KIRREL3: variants seen among roughly 807,000 people sequenced by gnomAD.
The protein encoded by KIRREL3 is kirre like nephrin family adhesion molecule 3.
A neutral mutation model predicts 89.7 loss-of-function variants in KIRREL3; 36 were observed. That is an observed-to-expected ratio of 0.40 (90% CI 0.31 to 0.53). KIRREL3 has a LOEUF of 0.53. Among genes scored for constraint, KIRREL3 ranks in the 20% least tolerant of loss-of-function variants. The pLI is 0.49. For missense variants in KIRREL3, 864 were observed against 1,056.6 expected (o/e 0.82, Z 2.53); for synonymous variants, 445 against 441.4 (o/e 1.01, Z -0.10).
rs1946786819 is a variant in KIRREL3 at position 126,689,220 on chromosome 11, A to G, written c.56-126308T>C. Among the ~76,000 whole-genome samples the G allele has an allele frequency of 6.6e-6, 1 of 152,192 alleles. No homozygotes were observed. The highest frequency in any genetic ancestry group is 1.5e-5 in the Non-Finnish European group (1 of 68,036). ...AGAAAGAATCCTGGAAATAGTTAAG[A>G]AAGACGATTTTCCAATGGCCAATAC... On this transcript the variant is annotated intron_variant, in intron 1 of 16. Coordinates refer to ENST00000525144, the MANE Select transcript of KIRREL3 (RefSeq NM_032531.4). The surrounding 1 kb of genome is among the most constrained non-coding windows in gnomAD (Gnocchi z 5.2).
In KIRREL3 at chr11:126,802,518, C is replaced by T. The variant is rs1182202442; in HGVS notation, c.55+197937G>A. ...TTCTCTGTGTCCTCCAGCTTCCTCC[C>T]ACATCCCAAAGCTGTCACATGAGGT... On this transcript the variant is annotated intron_variant, in intron 1 of 16. Transcript: ENST00000525144. The surrounding 1 kb of genome is among the most constrained non-coding windows in gnomAD (Gnocchi z 5.2). Among the ~76,000 whole-genome samples, 1 of 152,154 alleles carries T rather than the reference C, an allele frequency of 6.6e-6. No individual in the cohort carries two copies. Among genetic ancestry groups the T allele is most frequent in the Non-Finnish European group, 1.5e-5 (1 of 68,030 alleles).
intron 7 of KIRREL3, among the ~76,000 whole-genome samples, chr11:126,453,254 G>A (rs1297329792): frequency 2.6e-5 from 4 of 152,184 alleles, no homozygotes; most frequent in East Asian, 1.9e-4. Flanking sequence ...GTTTCATCTC[G>A]TGTGGGGGGG....
chr11:126,904,326 A>G lies in KIRREL3; in HGVS notation c.55+96129T>C, dbSNP rs986229250. Among the ~76,000 whole-genome samples, 20 of 152,302 alleles carry G rather than the reference A, an allele frequency of 1.3e-4. No individual in the cohort carries two copies. The highest frequency in any genetic ancestry group is 4.3e-4 in the African/African-American group (18 of 41,574). ...CTGTATTTTATGGCCCGAAGCCCCC[A>G]AACTCATGATTATTTGCTATTTTGC... is the stretch of plus-strand genomic sequence containing the variant. On this transcript the variant is annotated intron_variant, in intron 1 of 16. Transcript: ENST00000525144. This position sits in a 1 kb window ranked among gnomAD's most constrained non-coding sequence, Gnocchi z 4.4.
intron 2 of KIRREL3, among the ~76,000 whole-genome samples, chr11:126,538,173 T>C (rs1054257078): frequency 4.6e-5 from 7 of 152,240 alleles, no homozygotes; most frequent in African/African-American, 1.7e-4. Context: ...CCTCTTCTGC[T>C]CATCCGGGTT....
At chr11:126,559,250 CTCTA>C (rs1939932363) in intron 2 of KIRREL3, among the ~76,000 whole-genome samples, 2 of 152,198 alleles carry the variant, frequency 1.3e-5, no homozygotes, top group Non-Finnish European at 2.9e-5. Context: ...CATCTGTGTG[CTCTA>C]TCTGAGGCGC....
chr11:126,821,405 T>C (rs1943224322), intron 1 of KIRREL3, among the ~76,000 whole-genome samples: 2 of 146,386 alleles, frequency 1.4e-5, no homozygotes, highest in African/African-American at 5.2e-5. Context: ...TGGCCATTTT[T>C]GGATATTCTT....
chr11:126,558,193 GCTT>G lies in KIRREL3; in HGVS notation c.133+4639_133+4641del, dbSNP rs1939849195. 6.6e-6 allele frequency among the ~76,000 whole-genome samples: 1 copy of G among 152,142 alleles called. No individual in the cohort carries two copies. Among genetic ancestry groups the G allele is most frequent in the South Asian group, 2.1e-4 (1 of 4,824 alleles). On this transcript the variant is annotated intron_variant, in intron 2 of 16. Coordinates refer to ENST00000525144, the MANE Select transcript of KIRREL3 (RefSeq NM_032531.4). The surrounding 1 kb of genome is among the most constrained non-coding windows in gnomAD (Gnocchi z 4.0). ...GGGAGGTCAAAACTTCGGTGCCTCT[GCTT>G]CTTCCCTCCTTTAAATATCCTCTTC... is the stretch of plus-strand genomic sequence containing the variant.
chr11:126,855,477 C>A (rs761911758), intron 1 of KIRREL3, among the ~76,000 whole-genome samples: 1 of 152,222 alleles, frequency 6.6e-6, no homozygotes, highest in Non-Finnish European at 1.5e-5. Context: ...AACAAAACCT[C>A]TTTTCTTTCA....
At position 126,905,814 on chromosome 11, in the gene KIRREL3, G is replaced by A. The variant is rs1421114063; in HGVS notation, c.55+94641C>T. On this transcript the variant is annotated intron_variant, in intron 1 of 16. Coordinates refer to ENST00000525144, the MANE Select transcript of KIRREL3 (RefSeq NM_032531.4). The surrounding 1 kb of genome is among the most constrained non-coding windows in gnomAD (Gnocchi z 5.0). ...ATGCCTAACGAGCACACTGGGGAGA[G>A]CCTCCAGTGGGGACATGACTCCCCA... 6.6e-6 allele frequency among the ~76,000 whole-genome samples: 1 copy of A among 152,162 alleles called. No homozygotes were observed. The highest frequency in any genetic ancestry group is 1.5e-5 in the Non-Finnish European group (1 of 68,022).
rs78875980 is a variant in KIRREL3 at position 126,605,691 on chromosome 11, T to C, written c.56-42779A>G. Among the ~76,000 whole-genome samples the C allele has an allele frequency of 0.042, 6,389 of 152,246 alleles. 160 individuals carry two copies. Among genetic ancestry groups the C allele is most frequent in the Middle Eastern group, 0.075 (22 of 294 alleles). On this transcript the variant is annotated intron_variant, in intron 1 of 16. Coordinates refer to ENST00000525144, the MANE Select transcript of KIRREL3 (RefSeq NM_032531.4). This position sits in a 1 kb window ranked among gnomAD's most constrained non-coding sequence, Gnocchi z 5.7. ...TGCCATTCTTGGCCACACATATCCG[T>C]CATGCTGGGCCTGGAGCTGTGCGTC...
chr11:126,898,739 C>A lies in KIRREL3; in HGVS notation c.55+101716G>T, dbSNP rs531101387. Among the ~76,000 whole-genome samples the A allele has an allele frequency of 1.2e-3, 182 of 151,806 alleles. 5 individuals are homozygous for A. In the South Asian group the frequency reaches 0.036, roughly 30 times the overall value. On this transcript the variant is annotated intron_variant, in intron 1 of 16. Transcript: ENST00000525144. The surrounding 1 kb of genome is among the most constrained non-coding windows in gnomAD (Gnocchi z 4.9). ...GGGAAATGGAAGTGAGGACCAGAGACGAAGATGGAAAATATAAAAAAAGAG... is the reference window on the plus strand; with the variant it reads ...GGGAAATGGAAGTGAGGACCAGAGAAGAAGATGGAAAATATAAAAAAAGAG...
rs1004071595 is a variant in KIRREL3 at position 126,575,860 on chromosome 11, C to G, written c.56-12948G>C. On this transcript the variant is annotated intron_variant, in intron 1 of 16. Transcript: ENST00000525144. The surrounding 1 kb of genome is among the most constrained non-coding windows in gnomAD (Gnocchi z 7.0). ...GTGTGTGGCCTTCTCCACCCCTACC[C>G]TTGCAGATGGGCATCCCCTCCTCTG... is the stretch of plus-strand genomic sequence containing the variant. Among the ~76,000 whole-genome samples, 4 of 152,188 alleles carry G rather than the reference C, an allele frequency of 2.6e-5. No homozygotes were observed. The highest frequency in any genetic ancestry group is 2.6e-4 in the Admixed American group (4 of 15,284).
intron 1 of KIRREL3, among the ~76,000 whole-genome samples, chr11:126,738,536 T>A (rs1025099166): frequency 9.2e-5 from 14 of 151,972 alleles, no homozygotes; most frequent in African/African-American, 3.4e-4. Flanking sequence ...GAGTTTCCTA[T>A]TTTTTTTCCC....
At chr11:126,577,816 T>C (rs1941339673) in intron 1 of KIRREL3, among the ~76,000 whole-genome samples, 1 of 152,028 alleles carries the variant, frequency 6.6e-6, no homozygotes, top group Non-Finnish European at 1.5e-5. Flanking sequence ...ACGTCATCCT[T>C]ACCTTCAGAG....
chr11:126,823,114 A>G (rs1032081927), intron 1 of KIRREL3, among the ~76,000 whole-genome samples: 1 of 152,236 alleles, frequency 6.6e-6, no homozygotes, highest in African/African-American at 2.4e-5. Context: ...TAAACGGTCC[A>G]TCTGAGGCAA....
chr11:126,787,466 A>G (rs1950517708), intron 1 of KIRREL3, among the ~76,000 whole-genome samples: 1 of 152,278 alleles, frequency 6.6e-6, no homozygotes, highest in East Asian at 1.9e-4. Context: ...CTTTCTCCAT[A>G]TTGTTTTTCT....
At chr11:126,473,245 G>GCCCCCCCCCC in intron 5 of KIRREL3, 64 bp downstream of exon 5, 1 of 420,430 alleles carries the variant, frequency 2.4e-6, no homozygotes, top group African/African-American at 4.0e-5. Context: ...TGTCCACCTA[G>GCCCCCCCCCC]CCCCCTCCCC....
chr11:126,704,440 T>G lies in KIRREL3; in HGVS notation c.56-141528A>C, dbSNP rs759325951. Among the ~76,000 whole-genome samples, 1 of 152,210 alleles carries G rather than the reference T, an allele frequency of 6.6e-6. No individual in the cohort carries two copies. The highest frequency in any genetic ancestry group is 1.5e-5 in the Non-Finnish European group (1 of 68,032). On this transcript the variant is annotated intron_variant, in intron 1 of 16. Coordinates refer to ENST00000525144, the MANE Select transcript of KIRREL3 (RefSeq NM_032531.4). The surrounding 1 kb of genome is among the most constrained non-coding windows in gnomAD (Gnocchi z 4.2). ...AAAGACTGCAGCAACCAGCCCCAGCTGGCTGTAGGGGCTCACAGTCTTGTC... is the reference window on the plus strand; with the variant it reads ...AAAGACTGCAGCAACCAGCCCCAGCGGGCTGTAGGGGCTCACAGTCTTGTC...
rs145774117 is a variant in KIRREL3 at position 126,870,128 on chromosome 11, C to T, written c.55+130327G>A. ...GGCCCATGAGCACTGTGATTAATGA[C>T]CAGGAGTGAGTGTGGGCGAGTGTGG... On this transcript the variant is annotated intron_variant, in intron 1 of 16. Transcript: ENST00000525144. This position sits in a 1 kb window ranked among gnomAD's most constrained non-coding sequence, Gnocchi z 4.4. Among the ~76,000 whole-genome samples the T allele has an allele frequency of 2.6e-5, 4 of 152,302 alleles. No individual in the cohort carries two copies. The East Asian group carries it at 5.8e-4, about 22-fold the overall frequency.
Sources: allele counts gnomAD v4.1 joint callset (sites outside exome capture counted in the v4.1 genomes callset), GRCh38; gene constraint gnomAD v4.1.1; non-coding constraint Gnocchi (gnomAD v3.1); transcripts MANE v1.5; gene names NCBI Gene and HGNC (gene_info 2026-07-23, HGNC 2026-07-21).